The following ASTN2 variants were observed in gnomAD, a reference collection of about 807,000 sequenced individuals.
The protein encoded by ASTN2 is astrotactin-2.
Under a neutral mutation model 139.8 loss-of-function variants are expected in ASTN2, and 54 were observed. That is an observed-to-expected ratio of 0.39 (90% CI 0.31 to 0.48). The LOEUF is 0.48. ASTN2 is among the 20% of genes least tolerant of loss of function. ASTN2 has a pLI of 0.95. For missense variants in ASTN2, 1,565 were observed against 1,725.1 expected (o/e 0.91, Z 1.64); for synonymous variants, 756 against 719.5 (o/e 1.05, Z -0.81).
intron 16 of ASTN2, among the ~76,000 whole-genome samples, chr9:116,718,410 T>C (rs1255020516): frequency 6.6e-6 from 1 of 152,194 alleles, no homozygotes; most frequent in African/African-American, 2.4e-5. Context: ...CTCACGGCAG[T>C]GACAAGGCAC....
intron 6 of ASTN2, among the ~76,000 whole-genome samples, chr9:117,024,639 C>T (rs1350484382): frequency 6.6e-6 from 1 of 152,080 alleles, no homozygotes. Context: ...TTTGGGCACA[C>T]AGAGCAGGGA....
chr9:117,244,601 G>C (rs1373093176), intron 2 of ASTN2, among the ~76,000 whole-genome samples: 2 of 84,768 alleles, frequency 2.4e-5, no homozygotes, highest in Non-Finnish European at 5.6e-5. Flanking sequence ...GAGGGAGGGA[G>C]GGAGGAGAGG....
intron 19 of ASTN2, among the ~76,000 whole-genome samples, chr9:116,544,527 T>C (rs1664506216): frequency 6.6e-6 from 1 of 152,214 alleles, no homozygotes; most frequent in Non-Finnish European, 1.5e-5. Flanking sequence ...GAGGAAAGGA[T>C]GATTTGGGTT....
chr9:117,016,609 T>TATGTTA lies in ASTN2; in HGVS notation c.1424-8351_1424-8350insTAACAT, dbSNP rs1564385671. Among the ~76,000 whole-genome samples, 7 of 15,560 alleles carry TATGTTA rather than the reference T, an allele frequency of 4.5e-4. 2 individuals carry two copies. The highest frequency in any genetic ancestry group is 3.9e-3 in the East Asian group (2 of 516). The allele number at this position is 15,560 out of a possible 152,430, so 10.2% of individuals were successfully genotyped here. On this transcript the variant is annotated intron_variant, in intron 6 of 22. Coordinates refer to ENST00000313400, the MANE Select transcript of ASTN2 (RefSeq NM_001365068.1). ...TCTAGGTTTTATATATATATCTATA[T>TATGTTA]CTATATCTATCTATCTATATATATA...
At chr9:117,014,746 C>T (rs548463507) in intron 6 of ASTN2, among the ~76,000 whole-genome samples, 87 of 152,038 alleles carry the variant, frequency 5.7e-4, no homozygotes, top group African/African-American at 2.0e-3. Context: ...TATTTCAATA[C>T]GACTGATGTC....
intron 11 of ASTN2, among the ~76,000 whole-genome samples, chr9:116,822,167 A>G (rs1389546700): frequency 7.4e-6 from 1 of 135,982 alleles, no homozygotes; most frequent in Non-Finnish European, 1.5e-5. Context: ...ATACTCACAA[A>G]AATTAATTTA....
At chr9:116,503,029 A>G (rs1170477849) in intron 19 of ASTN2, among the ~76,000 whole-genome samples, 1 of 146,638 alleles carries the variant, frequency 6.8e-6, no homozygotes, top group Non-Finnish European at 1.5e-5. Flanking sequence ...GAAAGAAAAA[A>G]GGAGGAAGGA....
intron 17 of ASTN2, among the ~76,000 whole-genome samples, chr9:116,639,285 T>G (rs1409761007): frequency 6.6e-6 from 1 of 152,154 alleles, no homozygotes; most frequent in Admixed American, 6.5e-5. Flanking sequence ...GGATATGAAT[T>G]TATAGCCTGG....
rs150848006 is a variant in ASTN2, at chr9:117,188,166, TAG to T, written c.1015+26190_1015+26191del. ...AAGATGTGTGTGTGTGTCTGTGTGA[TAG>T]AGAGAGAGAGAGAGAGAGAGAGAGA... On this transcript the variant is annotated intron_variant, in intron 3 of 22. Transcript: ENST00000313400. Among the ~76,000 whole-genome samples the T allele has an allele frequency of 7.0e-3, 878 of 125,514 alleles. 2 individuals are homozygous for T. The highest frequency in any genetic ancestry group is 9.9e-3 in the Non-Finnish European group (591 of 59,750). 82.3% of individuals were successfully genotyped at this position (125,514 alleles called of 152,430 possible).
intron 1 of ASTN2, among the ~76,000 whole-genome samples, chr9:117,388,804 T>A (rs1474940274): frequency 2.0e-5 from 3 of 152,100 alleles, no homozygotes; most frequent in Non-Finnish European, 2.9e-5. Context: ...TTCCCCAGAG[T>A]CTCATGAAGA....
At chr9:117,003,111 C>T (rs1030900772) in intron 7 of ASTN2, among the ~76,000 whole-genome samples, 3 of 152,116 alleles carry the variant, frequency 2.0e-5, no homozygotes, top group African/African-American at 7.2e-5. Flanking sequence ...TACCTAGAAC[C>T]CAGGACACAA....
intron 13 of ASTN2, among the ~76,000 whole-genome samples, chr9:116,769,846 A>G (rs1829909647): frequency 6.6e-6 from 1 of 152,064 alleles, no homozygotes; most frequent in Non-Finnish European, 1.5e-5. Context: ...GGAGTTCAAG[A>G]CCATGCTGGG....
intron 17 of ASTN2, among the ~76,000 whole-genome samples, chr9:116,626,851 C>CA (rs918846484): frequency 1.6e-4 from 25 of 151,598 alleles, no homozygotes; most frequent in African/African-American, 2.7e-4. Context: ...AGCAGTGCTG[C>CA]AAAAAAAAGC....
chr9:116,802,694 A>G (rs1830895266), intron 13 of ASTN2, among the ~76,000 whole-genome samples: 1 of 152,204 alleles, frequency 6.6e-6, no homozygotes, highest in Non-Finnish European at 1.5e-5. Context: ...AAAACATACA[A>G]TGTACCTATG....
At chr9:117,118,760 A>G (rs1038656408) in intron 4 of ASTN2, among the ~76,000 whole-genome samples, 3 of 151,948 alleles carry the variant, frequency 2.0e-5, no homozygotes, top group African/African-American at 7.3e-5. Context: ...CCTGCAGGCC[A>G]CTGAATACAT....
chr9:117,165,685 T>C (rs1830655254), intron 3 of ASTN2, among the ~76,000 whole-genome samples: 1 of 152,034 alleles, frequency 6.6e-6, no homozygotes. Flanking sequence ...CTATAGATAT[T>C]TAAAATTCCA....
At chr9:116,786,162 A>T (rs1760977058) in intron 13 of ASTN2, among the ~76,000 whole-genome samples, 1 of 152,138 alleles carries the variant, frequency 6.6e-6, no homozygotes, top group Admixed American at 6.5e-5. Flanking sequence ...TTCCCCAGAT[A>T]TGTGCATAGT....
At chr9:116,902,008 G>C (rs1834022004) in intron 10 of ASTN2, among the ~76,000 whole-genome samples, 1 of 152,154 alleles carries the variant, frequency 6.6e-6, no homozygotes, top group South Asian at 2.1e-4. Context: ...CTGGGCAGCA[G>C]AGTGAGACTC....
chr9:117,341,345 A>G (rs1420797027), intron 1 of ASTN2, among the ~76,000 whole-genome samples: 1 of 152,108 alleles, frequency 6.6e-6, no homozygotes, highest in Non-Finnish European at 1.5e-5. Flanking sequence ...TTTTACACAC[A>G]AGAGATGGAG....
Sources: gnomAD v4.1 joint callset for allele counts (sites outside exome capture counted in the v4.1 genomes callset) on GRCh38, gnomAD v4.1.1 for gene constraint, MANE v1.5 for transcripts, NCBI Gene and HGNC (gene_info 2026-07-23, HGNC 2026-07-21) for gene names.